Variants in TACC2 observed in about 807,000 individuals in gnomAD.
TACC2 encodes the protein transforming acidic coiled-coil-containing protein 2.
Under a neutral mutation model 227.3 loss-of-function variants are expected in TACC2, and 137 were observed. That is an observed-to-expected ratio of 0.60 (90% CI 0.52 to 0.69). The LOEUF is 0.69. Among genes scored for constraint, TACC2 ranks in the 30% least tolerant of loss-of-function variants. TACC2 has a pLI of 0.00. For missense variants in TACC2, 3,470 were observed against 3,694.4 expected, an observed-to-expected ratio of 0.94 and a Z score of 1.57; for synonymous variants, 1,523 against 1,487.5, an observed-to-expected ratio of 1.02 and a Z score of -0.55.
At chr10:122,001,174 A>T (rs1328710963) in intron 1 of TACC2, among the ~76,000 whole-genome samples, 1 of 152,200 alleles carries the variant, frequency 6.6e-6, no homozygotes, top group Non-Finnish European at 1.5e-5. Flanking sequence ...AGTAATATTA[A>T]AGTATGTATT....
At chr10:122,021,744 C>T (rs1168031782) in intron 1 of TACC2, among the ~76,000 whole-genome samples, 193 bp from the exon 2 acceptor site, 1 of 152,148 alleles carries the variant, frequency 6.6e-6, no homozygotes, top group Non-Finnish European at 1.5e-5. Flanking sequence ...ATGAAAACAC[C>T]AGCCCGTATT....
chr10:122,087,787 G>T lies in TACC2; in HGVS notation c.5287G>T (p.Ala1763Ser), dbSNP rs1241859943. Residue 1763 changes from alanine (A) to serine (S), a missense_variant, in exon 4 of 23, where the codon GCC becomes TCC. Physicochemically the swap from Ala to Ser is moderately conservative, Grantham distance 99 (BLOSUM62 1). Transcript: ENST00000369005. ...GGCTCCGGGGATGGAGGGTACAGCT[G>T]CCCTTCATGGGGACAGCCCAGCCAG... ...DKAPGMEGTA[A>S]LHGDSPARPQ... 3 of 1,596,362 alleles carry T rather than the reference G, an allele frequency of 1.9e-6. No individual in the cohort carries two copies. The highest frequency in any genetic ancestry group is 2.6e-6 in the Non-Finnish European group (3 of 1,170,652).
intron 2 of TACC2, among the ~76,000 whole-genome samples, chr10:122,047,362 ATT>A (rs2075141436): frequency 6.8e-6 from 1 of 147,008 alleles, no homozygotes; most frequent in Non-Finnish European, 1.5e-5. Context: ...ACTTAAGGTG[ATT>A]TAAAGTTTCC....
At chr10:122,115,249 C>G (rs1408360402) in intron 5 of TACC2, among the ~76,000 whole-genome samples, 4 of 151,852 alleles carry the variant, frequency 2.6e-5, no homozygotes, top group Non-Finnish European at 4.4e-5. Context: ...ACAGCCCCCA[C>G]CTTCAAGGAG....
At chr10:122,226,867 C>A (rs546294127) in intron 13 of TACC2, among the ~76,000 whole-genome samples, 1 of 152,244 alleles carries the variant, frequency 6.6e-6, no homozygotes, top group South Asian at 2.1e-4. Context: ...ATAATCTCGC[C>A]CAGTGCACAC....
At chr10:122,037,949 A>C (rs562066800) in intron 2 of TACC2, among the ~76,000 whole-genome samples, 83 of 151,548 alleles carry the variant, frequency 5.5e-4, no homozygotes, top group Non-Finnish European at 9.4e-4. Context: ...TTTTTGTAGG[A>C]GATACCTCAG....
At chr10:122,227,232 G>A (rs2095647031) in intron 13 of TACC2, among the ~76,000 whole-genome samples, 1 of 152,186 alleles carries the variant, frequency 6.6e-6, no homozygotes, top group Non-Finnish European at 1.5e-5. Flanking sequence ...TTGCATTTAT[G>A]AGGGCTGATG....
intron 7 of TACC2, among the ~76,000 whole-genome samples, chr10:122,164,342 A>T (rs1425632928): frequency 6.6e-6 from 1 of 152,068 alleles, no homozygotes; most frequent in Non-Finnish European, 1.5e-5. Context: ...TCCTCCTAGG[A>T]AGAACCCATG....
chr10:122,200,074 C>A (rs1416893406), intron 8 of TACC2, among the ~76,000 whole-genome samples: 1 of 152,240 alleles, frequency 6.6e-6, no homozygotes, highest in Non-Finnish European at 1.5e-5. Flanking sequence ...CCTTTTCAGG[C>A]CTGGATCTGG....
chr10:122,047,445 A>G (rs1373422273), intron 2 of TACC2, among the ~76,000 whole-genome samples: 1 of 152,156 alleles, frequency 6.6e-6, no homozygotes, highest in African/African-American at 2.4e-5. Context: ...GAGACCCCTC[A>G]GGGGGGGGCA....
At chr10:122,125,709 T>C (rs1319921303) in intron 5 of TACC2, among the ~76,000 whole-genome samples, 2 of 151,982 alleles carry the variant, frequency 1.3e-5, no homozygotes, top group Non-Finnish European at 2.9e-5. Flanking sequence ...TGTAAAGTCA[T>C]CATTTTCACC....
intron 3 of TACC2, among the ~76,000 whole-genome samples, chr10:122,064,699 A>G (rs1178358544): frequency 6.6e-6 from 1 of 152,174 alleles, no homozygotes; most frequent in African/African-American, 2.4e-5. Context: ...TCATTATGAT[A>G]TTAGTTTCAC....
intron 7 of TACC2, among the ~76,000 whole-genome samples, chr10:122,153,838 T>C (rs1322465880): frequency 6.6e-6 from 1 of 152,208 alleles, no homozygotes; most frequent in Non-Finnish European, 1.5e-5. Context: ...GAGTGAAAAA[T>C]GTCCCTTGCT....
At chr10:122,208,269 T>C (rs1194907797) in intron 8 of TACC2, among the ~76,000 whole-genome samples, 1 of 152,166 alleles carries the variant, frequency 6.6e-6, no homozygotes, top group Non-Finnish European at 1.5e-5. Context: ...TCCAAGCGTT[T>C]ATTGATCCTG....
chr10:122,073,126 A>T (rs6585782), intron 3 of TACC2, among the ~76,000 whole-genome samples: 96 of 70,976 alleles, frequency 1.4e-3, no homozygotes, highest in African/African-American at 5.4e-3. Context: ...AAAAAAAAAA[A>T]ATATATATAT....
intron 1 of TACC2, among the ~76,000 whole-genome samples, chr10:121,990,203 C>G (rs1030944042): frequency 2.0e-5 from 3 of 151,932 alleles, no homozygotes; most frequent in African/African-American, 7.3e-5. Flanking sequence ...CTCGACCTCC[C>G]GGGCTAACGC....
At chr10:122,228,287 A>G (rs1293020749) in intron 14 of TACC2, among the ~76,000 whole-genome samples, 1 of 152,132 alleles carries the variant, frequency 6.6e-6, no homozygotes, top group African/African-American at 2.4e-5. Context: ...TTAGGACTAG[A>G]CTGTTGCTTT....
At chr10:122,230,567 A>G (rs1323305611) in intron 16 of TACC2, 127 bp downstream of exon 16, 1 of 780,936 alleles carries the variant, frequency 1.3e-6, no homozygotes. Flanking sequence ...TCGTTTCCAA[A>G]AAGCTGAAAG....
At chr10:122,152,985 A>T (rs1396544350) in intron 7 of TACC2, among the ~76,000 whole-genome samples, 2 of 84,536 alleles carry the variant, frequency 2.4e-5, no homozygotes, top group Non-Finnish European at 5.6e-5. Flanking sequence ...CTTTTGATAT[A>T]TATTTCTTTC....
Sources: gnomAD v4.1 joint callset for allele counts (sites outside exome capture counted in the v4.1 genomes callset) on GRCh38, gnomAD v4.1.1 for gene constraint, MANE v1.5 for transcripts, NCBI Gene and HGNC (gene_info 2026-07-23, HGNC 2026-07-21) for gene names.